The following VPS35 variants were observed in gnomAD, a reference collection of about 807,000 sequenced individuals.
The protein encoded by VPS35 is vacuolar protein sorting-associated protein 35.
Under a neutral mutation model 98.1 loss-of-function variants are expected in VPS35, and 21 were observed. That is an observed-to-expected ratio of 0.21 (90% CI 0.15 to 0.31). The LOEUF is 0.31. Ranked by LOEUF, VPS35 falls within the 10% of genes least tolerant of loss-of-function variation. The probability of loss-of-function intolerance (pLI) is 1.00; values close to 1 mark genes in which losing one functional copy is unlikely to be tolerated. For synonymous variants in VPS35, 268 were observed against 318.2 expected (o/e 0.84, Z 1.68); for missense variants, 554 against 950.8 (o/e 0.58, Z 5.49).
intron 1 of VPS35, 103 bp downstream of exon 1, chr16:46,689,028 G>A (rs760678729): frequency 6.4e-7 from 1 of 1,560,254 alleles, no homozygotes; most frequent in Non-Finnish European, 8.7e-7. Flanking sequence ...ATCCCGAACG[G>A]TCTGTGGGGC....
chr16:46,685,221 C>T (rs1447258581), intron 1 of VPS35, among the ~76,000 whole-genome samples: 1 of 152,192 alleles, frequency 6.6e-6, no homozygotes, highest in Non-Finnish European at 1.5e-5. Context: ...ATGCCTCTCA[C>T]ACAATGAGTT....
chr16:46,687,409 C>T (rs559083931), intron 1 of VPS35, among the ~76,000 whole-genome samples: 1 of 152,338 alleles, frequency 6.6e-6, no homozygotes, highest in East Asian at 1.9e-4. Flanking sequence ...ATGGAGCACA[C>T]TGAACGTTTT....
chr16:46,668,473 G>A (rs1011725473), intron 13 of VPS35, among the ~76,000 whole-genome samples: 1 of 152,252 alleles, frequency 6.6e-6, no homozygotes, highest in Non-Finnish European at 1.5e-5. Flanking sequence ...TCAGGTACGT[G>A]AGCTTGAGGT....
intron 5 of VPS35, among the ~76,000 whole-genome samples, chr16:46,679,554 C>T (rs1966201441): frequency 6.6e-6 from 1 of 152,128 alleles, no homozygotes; most frequent in Admixed American, 6.5e-5. Context: ...TAATGAGACC[C>T]CATCCCCACA....
chr16:46,658,525 A>G lies in VPS35; in HGVS notation c.*1947T>C, dbSNP rs901509278. 3 of 153,670 alleles carry G rather than the reference A, an allele frequency of 2.0e-5. No homozygotes were observed. The highest frequency in any genetic ancestry group is 7.2e-5 in the African/African-American group (3 of 41,456). The allele number at this position is 153,670 out of a possible 1,614,324, so 9.5% of individuals were successfully genotyped here. A position where few individuals can be genotyped will look rare whatever the true frequency, so the allele number is the denominator to read the frequency against. On this transcript the variant is annotated 3_prime_UTR_variant, in exon 17 of 17. Coordinates refer to ENST00000299138, the MANE Select transcript of VPS35 (RefSeq NM_018206.6). ...TTGGGTTTACCTCAACCCAGAAAAT[A>G]AGAGATAATTTACACACTGTACTGA...
At chr16:46,660,731 G>A (rs1965899397) in intron 16 of VPS35, 80 bp from the exon 17 acceptor site, 3 of 1,165,300 alleles carry the variant, frequency 2.6e-6, no homozygotes, top group South Asian at 1.2e-5. Flanking sequence ...CTGTTTTGAG[G>A]AGCTTCTGTT....
At chr16:46,681,183 C>A (rs1393364888) in intron 4 of VPS35, among the ~76,000 whole-genome samples, 194 bp downstream of exon 4, 1 of 151,464 alleles carries the variant, frequency 6.6e-6, no homozygotes, top group East Asian at 1.9e-4. Flanking sequence ...TTTCTATTTC[C>A]AAAATTCCTC....
chr16:46,662,496 A>T lies in VPS35; in HGVS notation c.1828-14T>A. On this transcript the variant is annotated splice_polypyrimidine_tract_variant and intron_variant, in intron 14 of 16. Transcript: ENST00000299138. ...CAGAGAAAATGCCTAGTGAACATAA[A>T]GCAGAAAGGACTTTCAAGGACCAAC... The T allele has an allele frequency of 6.2e-7, 1 of 1,613,238 alleles. No homozygotes were observed. The highest frequency in any genetic ancestry group is 8.5e-7 in the Non-Finnish European group (1 of 1,180,042).
At chr16:46,682,434 A>G in intron 2 of VPS35, 2 of 417,936 alleles carry the variant, frequency 4.8e-6, no homozygotes, top group Non-Finnish European at 4.4e-6. Context: ...TAATCTTTTC[A>G]ATCTATAGAG....
At chr16:46,674,795 T>C (rs1966121056) in intron 8 of VPS35, 135 bp from the exon 9 acceptor site, 2 of 881,656 alleles carry the variant, frequency 2.3e-6, no homozygotes, top group Non-Finnish European at 3.5e-6. Flanking sequence ...TTTTGTTTTG[T>C]TTTGTTTTGT....
At chr16:46,676,822 T>C in intron 7 of VPS35, 130 bp from the exon 8 acceptor site, 1 of 718,968 alleles carries the variant, frequency 1.4e-6, no homozygotes, top group East Asian at 2.7e-5. Flanking sequence ...ACATTACTTT[T>C]GAACCTCTCT....
intron 3 of VPS35, 101 bp from the exon 4 acceptor site, chr16:46,681,601 G>T: frequency 7.3e-7 from 1 of 1,368,256 alleles, no homozygotes; most frequent in Non-Finnish European, 1.0e-6. Flanking sequence ...GACATCTTAA[G>T]TTTTAGTCCT....
chr16:46,662,979 T>G lies in VPS35; in HGVS notation c.1827+4A>C. 1 of 1,614,188 alleles carries G rather than the reference T, an allele frequency of 6.2e-7. No individual in the cohort carries two copies. Among genetic ancestry groups the G allele is most frequent in the South Asian group, 1.1e-5 (1 of 91,086 alleles). On this transcript the variant is annotated splice_donor_region_variant and intron_variant, in intron 14 of 16. Coordinates refer to ENST00000299138, the MANE Select transcript of VPS35 (RefSeq NM_018206.6). ...ATGACAACGCAGAAAGAACAGATCATCACCTGGGACATGAATTCATATGCG... is the reference window on the plus strand; with the variant it reads ...ATGACAACGCAGAAAGAACAGATCAGCACCTGGGACATGAATTCATATGCG...
chr16:46,678,000 AT>A (rs944950502), intron 6 of VPS35, among the ~76,000 whole-genome samples: 1 of 152,192 alleles, frequency 6.6e-6, no homozygotes, highest in Non-Finnish European at 1.5e-5. Flanking sequence ...TAAACATCCA[AT>A]TGTTCCAGAA....
chr16:46,689,057 A>AGT, intron 1 of VPS35, 74 bp downstream of exon 1: 1 of 1,579,522 alleles, frequency 6.3e-7, no homozygotes. Flanking sequence ...CACTCGCTGG[A>AGT]GTGCGGGGCG....
chr16:46,688,665 G>A lies in VPS35; in HGVS notation c.3+466C>T. 4.7e-6 allele frequency: 5 copies of A among 1,055,440 alleles called. No homozygotes were observed. In the South Asian group the frequency reaches 1.6e-4, roughly 33 times the overall value. 65.4% of individuals were successfully genotyped at this position (1,055,440 alleles called of 1,614,324 possible). On this transcript the variant is annotated intron_variant, in intron 1 of 16. Coordinates refer to ENST00000299138, the MANE Select transcript of VPS35 (RefSeq NM_018206.6). Reference sequence around the variant, plus strand: ...CAAGGAATCACTGCGACCCCTCCAGGAGGGCGTGGGGACGGCCGAGCACAA... The same window carrying A: ...CAAGGAATCACTGCGACCCCTCCAGAAGGGCGTGGGGACGGCCGAGCACAA...
At chr16:46,681,283 C>A in intron 4 of VPS35, 94 bp downstream of exon 4, 1 of 1,526,982 alleles carries the variant, frequency 6.5e-7, no homozygotes, top group Non-Finnish European at 9.1e-7. Context: ...TAAGAAGTTA[C>A]CCTTAAAACT....
intron 13 of VPS35, among the ~76,000 whole-genome samples, chr16:46,665,637 G>C (rs995077112): frequency 6.7e-6 from 1 of 150,224 alleles, no homozygotes; most frequent in African/African-American, 2.4e-5. Context: ...CCTTGGCACA[G>C]TGGGTGACAA....
At chr16:46,668,897 A>G (rs1016785646) in intron 13 of VPS35, 33 bp downstream of exon 13, 1 of 1,613,206 alleles carries the variant, frequency 6.2e-7, no homozygotes. Flanking sequence ...GAAAGAGGAA[A>G]AAAAGTACCT....
Sources: gnomAD v4.1 joint callset for allele counts (sites outside exome capture counted in the v4.1 genomes callset) on GRCh38, gnomAD v4.1.1 for gene constraint, MANE v1.5 for transcripts, NCBI Gene and HGNC (gene_info 2026-07-23, HGNC 2026-07-21) for gene names.